Variants in CDH4 observed in about 807,000 individuals in gnomAD.
The protein encoded by CDH4 is cadherin-4.
Under a neutral mutation model 86.0 loss-of-function variants are expected in CDH4, and 33 were observed. That is an observed-to-expected ratio of 0.38 (90% CI 0.29 to 0.51). CDH4 has a LOEUF of 0.51. Among genes scored for constraint, CDH4 ranks in the 20% least tolerant of loss-of-function variants. The pLI is 0.86. For missense variants in CDH4, 1,114 were observed against 1,307.4 expected (o/e 0.85, Z 2.28); for synonymous variants, 555 against 549.4 (o/e 1.01, Z -0.14).
At chr20:61,406,250 G>A (rs1245696285) in intron 2 of CDH4, among the ~76,000 whole-genome samples, 4 of 150,468 alleles carry the variant, frequency 2.7e-5, no homozygotes, top group Non-Finnish European at 4.4e-5. Flanking sequence ...TGCTCTACCC[G>A]GACCACCATC....
chr20:61,419,261 G>A (rs2085164240), intron 2 of CDH4, among the ~76,000 whole-genome samples: 2 of 152,120 alleles, frequency 1.3e-5, no homozygotes, highest in Admixed American at 6.5e-5. Context: ...TGCCCAGGGC[G>A]GTGCTTTTGG....
chr20:61,613,545 A>T (rs954186208), intron 2 of CDH4, among the ~76,000 whole-genome samples: 1 of 151,206 alleles, frequency 6.6e-6, no homozygotes, highest in Non-Finnish European at 1.5e-5. Context: ...ATCTGTGTGC[A>T]GAATCTAGGA....
At chr20:61,751,927 G>A (rs2088501244) in intron 3 of CDH4, among the ~76,000 whole-genome samples, 1 of 152,226 alleles carries the variant, frequency 6.6e-6, no homozygotes, top group East Asian at 1.9e-4. Flanking sequence ...AAACAGGAAA[G>A]GCAAAGCAAT....
chr20:61,509,601 C>T (rs754560348), intron 2 of CDH4, among the ~76,000 whole-genome samples: 2 of 151,530 alleles, frequency 1.3e-5, no homozygotes, highest in East Asian at 1.9e-4. Context: ...GGGACAGGAC[C>T]GTCATGCCAA....
At chr20:61,736,645 A>G (rs1373764896) in intron 2 of CDH4, among the ~76,000 whole-genome samples, 2 of 139,636 alleles carry the variant, frequency 1.4e-5, no homozygotes, top group Admixed American at 7.3e-5. Flanking sequence ...GAAGGAAGGA[A>G]GGAGAGAGAG....
intron 2 of CDH4, among the ~76,000 whole-genome samples, chr20:61,660,556 CTGTT>C (rs1375174192): frequency 3.9e-5 from 6 of 152,144 alleles, no homozygotes; most frequent in South Asian, 2.1e-4. Context: ...GTGCGCCTGA[CTGTT>C]TGAATATGGA....
At position 61,713,315 on chromosome 20, in the gene CDH4, TC is replaced by T. The variant is rs575205135; in HGVS notation, c.170-30241del. Among the ~76,000 whole-genome samples, 37 of 152,002 alleles carry T rather than the reference TC, an allele frequency of 2.4e-4. No individual in the cohort carries two copies. In the South Asian group the frequency reaches 7.3e-3, roughly 30 times the overall value. On this transcript the variant is annotated intron_variant, in intron 2 of 15. Transcript: ENST00000614565. ...TTCAAGGTGCATGGGGTGTCTCCAC[TC>T]CCCCCCAGACCTCCTGCAAGGAGTG...
intron 2 of CDH4, among the ~76,000 whole-genome samples, chr20:61,701,268 T>C (rs2145885522): frequency 6.6e-6 from 1 of 152,348 alleles, no homozygotes; most frequent in Admixed American, 6.5e-5. Context: ...TAATTTCATG[T>C]GCCATGACCC....
chr20:61,747,840 G>A (rs573780037), intron 3 of CDH4, among the ~76,000 whole-genome samples: 4 of 152,198 alleles, frequency 2.6e-5, no homozygotes, highest in Non-Finnish European at 2.9e-5. Context: ...TGGGGCAGAA[G>A]TAATATTTGA....
chr20:61,879,731 G>A lies in CDH4; in HGVS notation c.1050+5831G>A, dbSNP rs1984198540. ...GAACGTGCCGCCCGAGCCCCGTCCTGAAGGTGAGAGTGGGCTCTGCAGACG... is the reference window on the plus strand; with the variant it reads ...GAACGTGCCGCCCGAGCCCCGTCCTAAAGGTGAGAGTGGGCTCTGCAGACG... On this transcript the variant is annotated intron_variant, in intron 7 of 15. Coordinates refer to ENST00000614565, the MANE Select transcript of CDH4 (RefSeq NM_001794.5). The surrounding 1 kb of genome is among the most constrained non-coding windows in gnomAD (Gnocchi z 4.1). Among the ~76,000 whole-genome samples, 1 of 152,176 alleles carries A rather than the reference G, an allele frequency of 6.6e-6. No homozygotes were observed. The highest frequency in any genetic ancestry group is 6.5e-5 in the Admixed American group (1 of 15,280).
intron 4 of CDH4, among the ~76,000 whole-genome samples, chr20:61,836,688 C>A (rs12625673): frequency 0.41 from 62,765 of 152,050 alleles, 15,908 homozygotes; most frequent in Non-Finnish European, 0.58. Context: ...AAGTGAGAAC[C>A]CTTACTTGGC....
At chr20:61,583,380 T>A (rs2086446546) in intron 2 of CDH4, among the ~76,000 whole-genome samples, 1 of 152,012 alleles carries the variant, frequency 6.6e-6, no homozygotes, top group Non-Finnish European at 1.5e-5. Context: ...TGGTCATGTC[T>A]GGGTGCTTGC....
intron 2 of CDH4, among the ~76,000 whole-genome samples, chr20:61,737,806 C>G (rs997154733): frequency 3.9e-5 from 6 of 152,196 alleles, no homozygotes; most frequent in Admixed American, 3.9e-4. Context: ...CTCCCCGAGT[C>G]CCTGCCATCA....
At position 61,565,143 on chromosome 20, in the gene CDH4, GTGT is replaced by G. The variant is rs1338462368; in HGVS notation, c.170-178417_170-178415del. On this transcript the variant is annotated intron_variant, in intron 2 of 15. Transcript: ENST00000614565. ...GCTCTTGGTGGTGCTGGTCCTCTTG[GTGT>G]TGGTAGTGGTCCTCTTGGTGATGGG... 6.1e-4 allele frequency among the ~76,000 whole-genome samples: 78 copies of G among 128,684 alleles called. 2 individuals are homozygous for G. The highest frequency in any genetic ancestry group is 7.8e-4 in the African/African-American group (26 of 33,192). The allele number at this position is 128,684 out of a possible 152,430, so 84.4% of individuals were successfully genotyped here. A position where few individuals can be genotyped will look rare whatever the true frequency, so the allele number is the denominator to read the frequency against.
At chr20:61,691,390 G>A (rs765168329) in intron 2 of CDH4, among the ~76,000 whole-genome samples, 1 of 151,816 alleles carries the variant, frequency 6.6e-6, no homozygotes, top group Admixed American at 6.6e-5. Context: ...TATTTGTGTG[G>A]ATGTGTGTGT....
At chr20:61,305,859 C>G (rs572012526) in intron 2 of CDH4, among the ~76,000 whole-genome samples, 1 of 152,194 alleles carries the variant, frequency 6.6e-6, no homozygotes, top group Non-Finnish European at 1.5e-5. Context: ...TGATCTATAT[C>G]TGTATATTTG....
chr20:61,397,929 A>G (rs1417871408), intron 2 of CDH4, among the ~76,000 whole-genome samples: 1 of 152,136 alleles, frequency 6.6e-6, no homozygotes, highest in Non-Finnish European at 1.5e-5. Flanking sequence ...TCCAGTGTAC[A>G]GAAGGGATAT....
intron 2 of CDH4, among the ~76,000 whole-genome samples, chr20:61,419,815 C>A (rs899731829): frequency 1.3e-5 from 2 of 152,262 alleles, no homozygotes; most frequent in Admixed American, 1.3e-4. Flanking sequence ...AGCCCCGTGG[C>A]TGGCACATCC....
At chr20:61,667,582 T>C (rs2087341031) in intron 2 of CDH4, among the ~76,000 whole-genome samples, 1 of 152,138 alleles carries the variant, frequency 6.6e-6, no homozygotes, top group Non-Finnish European at 1.5e-5. Context: ...CATACACGTG[T>C]GCCCCCACAC....
Sources: allele counts gnomAD v4.1 joint callset (sites outside exome capture counted in the v4.1 genomes callset), GRCh38; gene constraint gnomAD v4.1.1; non-coding constraint Gnocchi (gnomAD v3.1); transcripts MANE v1.5; gene names NCBI Gene and HGNC (gene_info 2026-07-23, HGNC 2026-07-21).